The following COMMD10 variants were observed in gnomAD, a reference collection of about 807,000 sequenced individuals.
The protein encoded by COMMD10 is COMM domain-containing protein 10.
A neutral mutation model predicts 28.9 loss-of-function variants in COMMD10; 33 were observed. The ratio of observed to expected loss-of-function variants is 1.14; its 90% confidence interval spans 0.87 to 1.53. COMMD10 has a LOEUF of 1.53. Ranked by LOEUF, COMMD10 falls within the 40% of genes most tolerant of loss-of-function variation. The pLI is 0.00. For synonymous variants in COMMD10, 110 were observed against 81.7 expected (o/e 1.35, Z -1.87); for missense variants, 310 against 233.4 (o/e 1.33, Z -2.14).
intron 5 of COMMD10, among the ~76,000 whole-genome samples, chr5:116,288,353 T>A (rs1168038425): frequency 6.6e-6 from 1 of 151,898 alleles, no homozygotes; most frequent in Non-Finnish European, 1.5e-5. Context: ...ATAAATCACT[T>A]TTCTCTTGCT....
At chr5:116,128,639 G>C (rs902515857) in intron 4 of COMMD10, among the ~76,000 whole-genome samples, 3 of 151,910 alleles carry the variant, frequency 2.0e-5, no homozygotes, top group African/African-American at 7.2e-5. Flanking sequence ...AATGGTATGA[G>C]ATTTTTCATC....
At chr5:116,156,926 C>G (rs1289661111) in intron 5 of COMMD10, among the ~76,000 whole-genome samples, 1 of 152,034 alleles carries the variant, frequency 6.6e-6, no homozygotes. Context: ...GTTTGTTTAG[C>G]TCATCTCTTT....
At position 116,134,064 on chromosome 5, in the gene COMMD10, A is replaced by G. The variant is rs1185619363; in HGVS notation, c.400-4A>G. On this transcript the variant is annotated splice_region_variant and splice_polypyrimidine_tract_variant and intron_variant, in intron 4 of 6. Transcript: ENST00000274458. ...TGATTCCAATCTGCACCTGTCTTTT[A>G]TAGCTAGAGACCGTTGGATGGCAGC... 13 of 1,539,332 alleles carry G rather than the reference A, an allele frequency of 8.4e-6. 1 individual carries two copies. The South Asian group carries it at 1.4e-4, about 17-fold the overall frequency.
intron 5 of COMMD10, among the ~76,000 whole-genome samples, chr5:116,252,634 G>A (rs994586855): frequency 1.5e-4 from 18 of 123,820 alleles, no homozygotes; most frequent in African/African-American, 5.4e-4. Context: ...ATTTCTGAGG[G>A]CTCTGTTCTG....
At chr5:116,113,728 T>G (rs941366643) in intron 4 of COMMD10, among the ~76,000 whole-genome samples, 4 of 152,174 alleles carry the variant, frequency 2.6e-5, no homozygotes, top group African/African-American at 9.7e-5. Flanking sequence ...CAGATTTCTC[T>G]TGTATCTCAT....
intron 5 of COMMD10, among the ~76,000 whole-genome samples, chr5:116,276,176 T>A (rs1281538769): frequency 6.6e-6 from 1 of 151,450 alleles, no homozygotes; most frequent in East Asian, 1.9e-4. Context: ...AGTAAGACAT[T>A]GCCAGAAAGA....
intron 5 of COMMD10, among the ~76,000 whole-genome samples, chr5:116,240,130 C>T (rs1376351279): frequency 1.3e-5 from 2 of 151,182 alleles, no homozygotes; most frequent in African/African-American, 4.9e-5. Flanking sequence ...CTTTCAGGTT[C>T]AACAAAGGAA....
At chr5:116,143,068 G>GTT (rs757604393) in intron 5 of COMMD10, among the ~76,000 whole-genome samples, 115 of 91,474 alleles carry the variant, frequency 1.3e-3, no homozygotes, top group African/African-American at 1.6e-3. Context: ...GTGTGTTTTT[G>GTT]GTTTTTTTTT....
intron 4 of COMMD10, among the ~76,000 whole-genome samples, chr5:116,125,525 G>C (rs1459425173): frequency 6.6e-6 from 1 of 152,022 alleles, no homozygotes. Context: ...ACAATTATGT[G>C]ACTTGGAGTT....
At chr5:116,163,545 C>T (rs972839632) in intron 5 of COMMD10, among the ~76,000 whole-genome samples, 6 of 151,656 alleles carry the variant, frequency 4.0e-5, no homozygotes, top group African/African-American at 1.5e-4. Flanking sequence ...GCCAAGATTG[C>T]ACCATCGCGC....
rs561503317 is a variant in COMMD10 at position 116,272,678 on chromosome 5, A to G, written c.511-18839A>G. 2.6e-5 allele frequency among the ~76,000 whole-genome samples: 4 copies of G among 151,916 alleles called. No homozygotes were observed. In the South Asian group the frequency reaches 8.3e-4, roughly 31 times the overall value. On this transcript the variant is annotated intron_variant, in intron 5 of 6. Transcript: ENST00000274458. ...CCATTCTTGGAAGAAATGCTTCGGA[A>G]TCTTTATCCCACTCATTTAAATTTT...
intron 4 of COMMD10, among the ~76,000 whole-genome samples, chr5:116,107,191 T>A (rs1276563586): frequency 6.6e-6 from 1 of 152,202 alleles, no homozygotes; most frequent in Non-Finnish European, 1.5e-5. Flanking sequence ...CTTTGCGGTG[T>A]TCCCTCTATT....
intron 5 of COMMD10, among the ~76,000 whole-genome samples, chr5:116,289,668 TG>T (rs1216592388): frequency 6.6e-6 from 1 of 151,798 alleles, no homozygotes; most frequent in Admixed American, 6.6e-5. Flanking sequence ...AGCTCTGGCA[TG>T]GGGGGTGGTG....
chr5:116,269,366 GC>G lies in COMMD10; in HGVS notation c.511-22147del, dbSNP rs1352233735. On this transcript the variant is annotated intron_variant, in intron 5 of 6. Transcript: ENST00000274458. ...CCACCCACCAAACCTGTGATTTCCT[GC>G]CCCAATTTATGAACCAAGTTATACT... Among the ~76,000 whole-genome samples, 6 of 151,898 alleles carry G rather than the reference GC, an allele frequency of 4.0e-5. No individual in the cohort carries two copies. The South Asian group carries it at 1.2e-3, about 31-fold the overall frequency.
intron 4 of COMMD10, among the ~76,000 whole-genome samples, chr5:116,120,348 G>T (rs1751388929): frequency 6.6e-6 from 1 of 151,954 alleles, no homozygotes; most frequent in African/African-American, 2.4e-5. Context: ...GGGATTTGTG[G>T]GGCAAGGTTG....
intron 5 of COMMD10, among the ~76,000 whole-genome samples, chr5:116,247,480 G>T (rs1341643229): frequency 1.3e-5 from 2 of 151,902 alleles, no homozygotes; most frequent in Admixed American, 1.3e-4. Flanking sequence ...TATACCCAAA[G>T]GAATATATTA....
intron 4 of COMMD10, among the ~76,000 whole-genome samples, chr5:116,107,593 A>C (rs990559229): frequency 6.6e-6 from 1 of 151,902 alleles, no homozygotes; most frequent in Admixed American, 6.6e-5. Context: ...CTTTTTTTCA[A>C]GGTTCTTAGC....
At chr5:116,162,056 A>G (rs1752935589) in intron 5 of COMMD10, among the ~76,000 whole-genome samples, 1 of 152,206 alleles carries the variant, frequency 6.6e-6, no homozygotes, top group Non-Finnish European at 1.5e-5. Context: ...ACTGATTGTA[A>G]TATATGTTGA....
intron 5 of COMMD10, among the ~76,000 whole-genome samples, chr5:116,291,287 C>T (rs1017060974): frequency 2.0e-5 from 3 of 152,118 alleles, no homozygotes; most frequent in Admixed American, 6.6e-5. Context: ...TATTAACCTT[C>T]GTAGAGTCAA....
Sources: gnomAD v4.1 joint callset for allele counts (sites outside exome capture counted in the v4.1 genomes callset) on GRCh38, gnomAD v4.1.1 for gene constraint, MANE v1.5 for transcripts, NCBI Gene and HGNC (gene_info 2026-07-23, HGNC 2026-07-21) for gene names.